SGCG: variants seen among roughly 807,000 people sequenced by gnomAD.
SGCG encodes the protein sarcoglycan gamma.
Under a neutral mutation model 29.3 loss-of-function variants are expected in SGCG, and 26 were observed. The ratio of observed to expected loss-of-function variants is 0.89; its 90% CI spans 0.65 to 1.23. The LOEUF (loss-of-function observed/expected upper bound fraction) is 1.23. Among genes scored for constraint, SGCG ranks in the 50% most tolerant of loss-of-function variants. SGCG has a pLI of 0.00. For synonymous variants in SGCG, 145 were observed against 129.7 expected (o/e 1.12, Z -0.80); for missense variants, 353 against 356.0 (o/e 0.99, Z 0.07).
chr13:23,201,464 C>G (rs1426598805), intron 1 of SGCG, among the ~76,000 whole-genome samples: 1 of 151,900 alleles, frequency 6.6e-6, no homozygotes, highest in Non-Finnish European at 1.5e-5. Context: ...TCACGGGGGT[C>G]CCTGTGAGGG....
the SGCG span, among the ~76,000 whole-genome samples, chr13:23,163,824 CCT>C: frequency 1.6e-4 from 24 of 152,026 alleles, no homozygotes; most frequent in Admixed American, 6.5e-4. Flanking sequence ...AAGACAAAGG[CCT>C]AACTAGCAAC....
chr13:23,306,653 G>A (rs1882371554), intron 6 of SGCG, among the ~76,000 whole-genome samples: 1 of 152,084 alleles, frequency 6.6e-6, no homozygotes, highest in Non-Finnish European at 1.5e-5. Context: ...TTTGTCACAA[G>A]TTAATATCTT....
At chr13:23,241,484 C>T (rs1451041234) in intron 3 of SGCG, among the ~76,000 whole-genome samples, 1 of 152,088 alleles carries the variant, frequency 6.6e-6, no homozygotes, top group African/African-American at 2.4e-5. Context: ...TAAAAAGTCT[C>T]CCCAATAAAG....
At chr13:23,310,682 TCTC>T (rs1882560402) in intron 6 of SGCG, among the ~76,000 whole-genome samples, 2 of 152,120 alleles carry the variant, frequency 1.3e-5, no homozygotes, top group African/African-American at 4.8e-5. Flanking sequence ...TTTCATTTTT[TCTC>T]CTTTTTCTTT....
the SGCG span, among the ~76,000 whole-genome samples, chr13:23,166,011 T>C: frequency 6.6e-6 from 1 of 152,204 alleles, no homozygotes; most frequent in East Asian, 1.9e-4. Context: ...TCTTCCTTTC[T>C]AATCTATGTG....
the SGCG span, among the ~76,000 whole-genome samples, chr13:23,164,260 A>G: frequency 6.6e-6 from 1 of 152,252 alleles, no homozygotes; most frequent in South Asian, 2.1e-4. Context: ...TAGTTTAATT[A>G]TCACAGGTAC....
At chr13:23,284,799 G>A (rs1224363591) in intron 5 of SGCG, among the ~76,000 whole-genome samples, 4 of 152,026 alleles carry the variant, frequency 2.6e-5, no homozygotes, top group Admixed American at 1.3e-4. Flanking sequence ...TCATGTAGAC[G>A]TCCTTTTTGT....
intron 5 of SGCG, among the ~76,000 whole-genome samples, chr13:23,295,207 G>A (rs567280475): frequency 6.2e-4 from 94 of 152,104 alleles, no homozygotes; most frequent in Non-Finnish European, 1.2e-3. Flanking sequence ...AACATATTTT[G>A]TTTATAGGAA....
intron 1 of SGCG, among the ~76,000 whole-genome samples, chr13:23,189,961 A>G (rs1877173528): frequency 1.3e-5 from 2 of 152,214 alleles, no homozygotes; most frequent in Non-Finnish European, 2.9e-5. Context: ...AAGGACAACT[A>G]AATAATTACC....
intron 2 of SGCG, among the ~76,000 whole-genome samples, chr13:23,218,903 A>T (rs916142694): frequency 6.7e-6 from 1 of 148,472 alleles, no homozygotes; most frequent in East Asian, 1.9e-4. Flanking sequence ...GAGCCAAAAT[A>T]ACAATATAAA....
chr13:23,259,850 A>C (rs1329486642), intron 4 of SGCG, among the ~76,000 whole-genome samples: 2 of 152,092 alleles, frequency 1.3e-5, no homozygotes, highest in African/African-American at 4.8e-5. Flanking sequence ...GTAGTTGAGC[A>C]GTTTTGAGTG....
At chr13:23,262,319 A>G (rs1880471783) in intron 4 of SGCG, among the ~76,000 whole-genome samples, 1 of 152,180 alleles carries the variant, frequency 6.6e-6, no homozygotes, top group Non-Finnish European at 1.5e-5. Context: ...ACAATATTTC[A>G]TGCAAATGGA....
intron 6 of SGCG, among the ~76,000 whole-genome samples, chr13:23,317,193 T>TC (rs1366166444): frequency 2.9e-5 from 4 of 138,034 alleles, no homozygotes; most frequent in Non-Finnish European, 4.9e-5. Flanking sequence ...AGACTCCGTC[T>TC]CAAAAAAAAA....
chr13:23,248,768 G>A (rs1273866582), intron 3 of SGCG, among the ~76,000 whole-genome samples: 3 of 151,618 alleles, frequency 2.0e-5, no homozygotes, highest in African/African-American at 7.3e-5. Flanking sequence ...CGAGGAGGGC[G>A]GATCACGAGG....
upstream of SGCG, chr13:23,180,928 G>A (rs1396817384): frequency 1.3e-5 from 2 of 152,302 alleles, no homozygotes; most frequent in South Asian, 2.1e-4. Flanking sequence ...GGCGAAACTC[G>A]TGAGAGCCCT....
intron 7 of SGCG, among the ~76,000 whole-genome samples, chr13:23,323,093 C>T (rs1883110663): frequency 6.6e-6 from 1 of 152,142 alleles, no homozygotes; most frequent in African/African-American, 2.4e-5. Context: ...GCTGCGAGAA[C>T]AGCACCAGAG....
At chr13:23,218,484 G>A (rs925328715) in intron 2 of SGCG, among the ~76,000 whole-genome samples, 1 of 152,038 alleles carries the variant, frequency 6.6e-6, no homozygotes, top group African/African-American at 2.4e-5. Flanking sequence ...TAACATAAAT[G>A]TAAAATAAAC....
chr13:23,243,254 AC>A (rs1879577620), intron 3 of SGCG, among the ~76,000 whole-genome samples: 1 of 152,106 alleles, frequency 6.6e-6, no homozygotes, highest in Non-Finnish European at 1.5e-5. Flanking sequence ...TCAGCACTAA[AC>A]CATGTTAAGG....
intron 2 of SGCG, among the ~76,000 whole-genome samples, chr13:23,218,992 A>G (rs1042050724): frequency 6.7e-6 from 1 of 148,840 alleles, no homozygotes; most frequent in Admixed American, 6.7e-5. Context: ...ACCAAAAAGC[A>G]TAGTTTTTTT....
Sources: gnomAD v4.1 joint callset for allele counts (sites outside exome capture counted in the v4.1 genomes callset) on GRCh38, gnomAD v4.1.1 for gene constraint, MANE v1.5 for transcripts, NCBI Gene and HGNC (gene_info 2026-07-23, HGNC 2026-07-21) for gene names.